The following OPALIN variants were observed in gnomAD, a reference collection of about 807,000 sequenced individuals.
OPALIN encodes the protein transmembrane protein 10.
OPALIN carries 15 observed loss-of-function variants against 17.8 expected under a neutral mutation model. The ratio of observed to expected loss-of-function variants is 0.84; its 90% CI spans 0.56 to 1.29. The LOEUF (loss-of-function observed/expected upper bound fraction) is 1.29. Ranked by LOEUF, OPALIN falls within the 50% of genes most tolerant of loss-of-function variation. OPALIN has a pLI of 0.00. For missense variants in OPALIN, 170 were observed against 176.0 expected (o/e 0.97, Z 0.19); for synonymous variants, 62 against 63.8 (o/e 0.97, Z 0.14).
Position 96,352,403 on chromosome 10 carries a change from T to C in OPALIN, c.40-993A>G, listed in dbSNP as rs1320464810. ...GGCTTGTCCAAGGTTTCACAGATAATCATAACTCTAATCTGAACTTGGATG... is the reference window on the plus strand; with the variant it reads ...GGCTTGTCCAAGGTTTCACAGATAACCATAACTCTAATCTGAACTTGGATG... On this transcript the variant is annotated intron_variant, in intron 2 of 5. Transcript: ENST00000371172. Among the ~76,000 whole-genome samples, 3 of 151,926 alleles carry C rather than the reference T, an allele frequency of 2.0e-5. No individual in the cohort carries two copies. In the East Asian group the frequency reaches 5.8e-4, roughly 29 times the overall value.
chr10:96,355,776 C>T (rs972090499), intron 1 of OPALIN, among the ~76,000 whole-genome samples: 1 of 152,214 alleles, frequency 6.6e-6, no homozygotes, highest in African/African-American at 2.4e-5. Flanking sequence ...GAAGGCAAGG[C>T]TTCTGTTTTT....
At chr10:96,348,435 G>T in intron 4 of OPALIN, 90 bp from the exon 5 acceptor site, 1 of 629,948 alleles carries the variant, frequency 1.6e-6, no homozygotes, top group South Asian at 2.4e-5. Flanking sequence ...TAAAATCAGT[G>T]CTTTTTAAAT....
intron 4 of OPALIN, among the ~76,000 whole-genome samples, chr10:96,348,982 C>T (rs924363645): frequency 3.3e-5 from 5 of 152,246 alleles, no homozygotes; most frequent in East Asian, 3.9e-4. Flanking sequence ...TTGAACTAAC[C>T]AAGACATATT....
intron 1 of OPALIN, among the ~76,000 whole-genome samples, chr10:96,355,929 G>A (rs773247852): frequency 2.2e-4 from 33 of 152,158 alleles, no homozygotes; most frequent in Non-Finnish European, 4.1e-4. Context: ...TTTAAAGATC[G>A]TGGGCTCAGT....
Position 96,346,079 on chromosome 10 carries a change from C to T in OPALIN, c.288G>A (p.Met96Ile). ...RRSPTHEKNT[M>I]GAQEAHIYVK... ...CATATATGTGGGCCTCTTGTGCTCCCATCGTATTCTTCTCATGTGTGGGTG... is the reference window on the plus strand; with the variant it reads ...CATATATGTGGGCCTCTTGTGCTCCTATCGTATTCTTCTCATGTGTGGGTG... The change falls in exon 6 of 6, where the codon ATG (methionine) becomes ATA (isoleucine). Residue 96 changes from methionine (M) to isoleucine (I), a missense_variant. By Grantham distance (10) the Met-to-Ile change is conservative. Transcript: ENST00000371172. 6.2e-7 allele frequency: 1 copy of T among 1,614,068 alleles called. No homozygotes were observed. Among genetic ancestry groups the T allele is most frequent in the Non-Finnish European group, 8.5e-7 (1 of 1,179,948 alleles).
intron 1 of OPALIN, among the ~76,000 whole-genome samples, chr10:96,358,186 T>TA (rs61616596): frequency 0.045 from 2,762 of 61,476 alleles, 139 homozygotes; most frequent in African/African-American, 0.057. Flanking sequence ...ATGCTTTTTG[T>TA]AAAAAAAAAA....
In OPALIN at chr10:96,345,793, A is replaced by G; in HGVS notation, c.*148T>C. Reference sequence around the variant, plus strand: ...ACCATGTTGGGGATGTCCCCTAAAGAGACAAATCAGCCCCAAAGTGTTCCA... The same window carrying G: ...ACCATGTTGGGGATGTCCCCTAAAGGGACAAATCAGCCCCAAAGTGTTCCA... On this transcript the variant is annotated 3_prime_UTR_variant, in exon 6 of 6. Coordinates refer to ENST00000371172, the MANE Select transcript of OPALIN (RefSeq NM_033207.5). 2 of 708,050 alleles carry G rather than the reference A, an allele frequency of 2.8e-6. No individual in the cohort carries two copies. The highest frequency in any genetic ancestry group is 3.8e-5 in the South Asian group (2 of 52,382). The allele number at this position is 708,050 out of a possible 1,614,324, so 43.9% of individuals were successfully genotyped here.
At chr10:96,352,682 A>G (rs997804264) in intron 2 of OPALIN, among the ~76,000 whole-genome samples, 1 of 108,844 alleles carries the variant, frequency 9.2e-6, no homozygotes, top group African/African-American at 3.3e-5. Context: ...GGCTTTCACT[A>G]AAAAAAAAAA....
At chr10:96,357,013 G>A in intron 1 of OPALIN, 1 of 985,512 alleles carries the variant, frequency 1.0e-6, no homozygotes. Context: ...ACAGCACTGT[G>A]CACCTCTGCT....
intron 2 of OPALIN, chr10:96,353,364 C>T (rs1845663326): frequency 6.2e-7 from 1 of 1,600,238 alleles, no homozygotes; most frequent in African/African-American, 1.3e-5. Context: ...CTTCCCAGGG[C>T]ACTGGCATTC....
intron 3 of OPALIN, among the ~76,000 whole-genome samples, chr10:96,350,443 T>C (rs1292759822): frequency 6.6e-6 from 1 of 152,228 alleles, no homozygotes; most frequent in African/African-American, 2.4e-5. Context: ...CTCTAACTCC[T>C]GACCTCATGA....
At chr10:96,351,669 A>G (rs1459732810) in intron 2 of OPALIN, among the ~76,000 whole-genome samples, 1 of 152,194 alleles carries the variant, frequency 6.6e-6, no homozygotes, top group Non-Finnish European at 1.5e-5. Flanking sequence ...ACCGTGACAC[A>G]TTTTACAACT....
chr10:96,351,278 T>C (rs185725930), intron 3 of OPALIN, 100 bp downstream of exon 3: 2 of 746,818 alleles, frequency 2.7e-6, no homozygotes, highest in East Asian at 5.6e-5. Flanking sequence ...CTGTGCTTAG[T>C]GACAGTTCAC....
Position 96,349,846 on chromosome 10 carries a change from A to T in OPALIN, c.73-20T>A. ...ACAGTCCTGGCACAGAATGAAAAACACAGGGTCAGAGGAAGCCCAGAGTCT... is the reference window on the plus strand; with the variant it reads ...ACAGTCCTGGCACAGAATGAAAAACTCAGGGTCAGAGGAAGCCCAGAGTCT... On this transcript the variant is annotated intron_variant, in intron 3 of 5. Transcript: ENST00000371172. The T allele has an allele frequency of 6.2e-7, 1 of 1,605,842 alleles. No individual in the cohort carries two copies. Among genetic ancestry groups the T allele is most frequent in the Middle Eastern group, 1.7e-4 (1 of 5,922 alleles).
At chr10:96,346,629 T>C (rs1845341839) in intron 5 of OPALIN, among the ~76,000 whole-genome samples, 1 of 152,238 alleles carries the variant, frequency 6.6e-6, no homozygotes, top group African/African-American at 2.4e-5. Flanking sequence ...TCTTTTTAAC[T>C]CTTTTTCTAC....
In OPALIN at chr10:96,345,670, A is replaced by G. The variant is rs919796919; in HGVS notation, c.*271T>C. The G allele has an allele frequency of 9.1e-5, 32 of 350,894 alleles. No individual in the cohort carries two copies. Among genetic ancestry groups the G allele is most frequent in the Middle Eastern group, 1.5e-3 (2 of 1,356 alleles). 21.7% of individuals were successfully genotyped at this position (350,894 alleles called of 1,614,324 possible). A position where few individuals can be genotyped will look rare whatever the true frequency, so the allele number is the denominator to read the frequency against. The stretch of plus-strand genomic sequence containing the variant: ...AAGCCCCTTTCCCAAAATGACAAAG[A>G]AAAGCAAATTCCCACTGGGAGCAGG... On this transcript the variant is annotated 3_prime_UTR_variant, in exon 6 of 6. Transcript: ENST00000371172.
intron 2 of OPALIN, among the ~76,000 whole-genome samples, chr10:96,354,869 G>A (rs971213891): frequency 6.6e-6 from 1 of 150,436 alleles, no homozygotes; most frequent in East Asian, 1.9e-4. Context: ...GCTGAGGTGG[G>A]CGGATCACCT....
chr10:96,354,393 T>C (rs1027373830), intron 2 of OPALIN, among the ~76,000 whole-genome samples: 1 of 152,230 alleles, frequency 6.6e-6, no homozygotes, highest in African/African-American at 2.4e-5. Context: ...TTATCTTAAA[T>C]GCAGATAAGG....
chr10:96,349,201 T>C (rs4614371), intron 4 of OPALIN, among the ~76,000 whole-genome samples: 151,222 of 152,302 alleles, frequency 0.99, 75,084 homozygotes, highest in Middle Eastern at 1. Flanking sequence ...TCTAGGTGGC[T>C]TTTGATTTCT....
Sources: allele counts gnomAD v4.1 joint callset (sites outside exome capture counted in the v4.1 genomes callset), GRCh38; gene constraint gnomAD v4.1.1; transcripts MANE v1.5; gene names NCBI Gene and HGNC (gene_info 2026-07-23, HGNC 2026-07-21).